The following CENPP variants were observed in gnomAD, a reference collection of about 807,000 sequenced individuals.
CENPP encodes centromere protein P.
A neutral mutation model predicts 35.6 loss-of-function variants in CENPP; 24 were observed. The ratio of observed to expected loss-of-function variants is 0.67; its 90% CI spans 0.49 to 0.95. The LOEUF (loss-of-function observed/expected upper bound fraction) is 0.95, where lower values mean the gene tolerates loss of function less well. Among genes scored for constraint, CENPP ranks in the 40% least tolerant of loss-of-function variants. The pLI is 0.00. For synonymous variants in CENPP, 120 were observed against 125.5 expected (o/e 0.96, Z 0.29); for missense variants, 332 against 345.3 (o/e 0.96, Z 0.31).
chr9:92,349,105 T>C (rs1168507821), intron 4 of CENPP, among the ~76,000 whole-genome samples: 2 of 152,242 alleles, frequency 1.3e-5, no homozygotes, highest in African/African-American at 2.4e-5. Flanking sequence ...ATTTGACATA[T>C]TGTCCCAGCA....
In CENPP at chr9:92,425,852, A is replaced by C. The variant is rs534199330; in HGVS notation, c.564+45993A>C. On this transcript the variant is annotated intron_variant, in intron 5 of 7. Transcript: ENST00000375587. The stretch of plus-strand genomic sequence containing the variant: ...CTTTGTTCTTAAAACTCAGGCTTTC[A>C]CTAAGGAAGAGAGAGCAAATCTGTG... 1.2e-4 allele frequency among the ~76,000 whole-genome samples: 18 copies of C among 152,324 alleles called. No homozygotes were observed. The East Asian group carries it at 3.3e-3, about 28-fold the overall frequency.
chr9:92,372,099 CTTTTTTTTTTTTTTTTTTTTTTTT>C (rs71362382), intron 4 of CENPP, among the ~76,000 whole-genome samples: 1 of 30,680 alleles, frequency 3.3e-5, no homozygotes, highest in African/African-American at 1.4e-4. Context: ...TGCCAGCCAT[CTTTTTTTTTTTTTTTTTTTTTTTT>C]TTTTTTTTAA....
chr9:92,555,214 A>ATTTTTTTTTT, intron 5 of CENPP, among the ~76,000 whole-genome samples: 1 of 63,440 alleles, frequency 1.6e-5, no homozygotes, highest in Non-Finnish European at 2.6e-5. Context: ...TTTTTTGGAA[A>ATTTTTTTTTT]TTTTTTTTTT....
chr9:92,345,615 A>G, intron 3 of CENPP, 84 bp from the exon 4 acceptor site: 1 of 728,804 alleles, frequency 1.4e-6, no homozygotes, highest in Non-Finnish European at 2.3e-6. Flanking sequence ...ATTTGGTGGC[A>G]TTTCATTTTG....
chr9:92,332,816 A>C (rs780234723), intron 2 of CENPP, among the ~76,000 whole-genome samples: 6 of 152,158 alleles, frequency 3.9e-5, no homozygotes, highest in East Asian at 1.9e-4. Context: ...TAAAACAAAA[A>C]AAAAAAGGGC....
At chr9:92,600,887 GGTCCTTCCT>G (rs1231601458) in intron 5 of CENPP, among the ~76,000 whole-genome samples, 1 of 152,184 alleles carries the variant, frequency 6.6e-6, no homozygotes, top group Non-Finnish European at 1.5e-5. Flanking sequence ...TCCCCTGAGG[GGTCCTTCCT>G]GGACACCCAT....
intron 5 of CENPP, among the ~76,000 whole-genome samples, chr9:92,479,722 A>G (rs1588166684): frequency 6.6e-6 from 1 of 152,170 alleles, no homozygotes; most frequent in Non-Finnish European, 1.5e-5. Context: ...CAATTAATCT[A>G]ATCTTTTGCA....
intron 5 of CENPP, among the ~76,000 whole-genome samples, chr9:92,452,036 A>G (rs1479050064): frequency 6.9e-6 from 1 of 145,950 alleles, no homozygotes; most frequent in Non-Finnish European, 1.5e-5. Context: ...CAATCATGTC[A>G]TCTGCAAACA....
chr9:92,527,523 T>C (rs1023015369), intron 5 of CENPP, among the ~76,000 whole-genome samples: 1 of 152,216 alleles, frequency 6.6e-6, no homozygotes, highest in African/African-American at 2.4e-5. Context: ...GAATGTATCC[T>C]TGTCGCTAAG....
At chr9:92,517,316 C>T in intron 5 of CENPP, 1 of 303,984 alleles carries the variant, frequency 3.3e-6, no homozygotes, top group Non-Finnish European at 6.1e-6. Flanking sequence ...ATGATAAAGG[C>T]ACGTTGCACT....
chr9:92,362,223 A>AC (rs200441880), intron 4 of CENPP, among the ~76,000 whole-genome samples: 4,675 of 152,250 alleles, frequency 0.031, 114 homozygotes, highest in South Asian at 0.083. Context: ...AAAGTTAAAA[A>AC]AAAAAAATTA....
At chr9:92,525,617 G>A (rs201370378) in intron 5 of CENPP, among the ~76,000 whole-genome samples, 63 of 152,220 alleles carry the variant, frequency 4.1e-4, no homozygotes, top group African/African-American at 1.2e-3. Flanking sequence ...CAGGCTGGGC[G>A]CGGTGGCTCA....
intron 5 of CENPP, chr9:92,464,639 A>G (rs1044113570): frequency 5.6e-6 from 3 of 535,728 alleles, no homozygotes; most frequent in Non-Finnish European, 1.1e-5. Flanking sequence ...ACAGAATGAC[A>G]GGTATAAATG....
chr9:92,532,041 T>TTTTTTTTTTA, intron 5 of CENPP, among the ~76,000 whole-genome samples: 1 of 143,486 alleles, frequency 7.0e-6, no homozygotes, highest in African/African-American at 2.7e-5. Flanking sequence ...TTTATTTTTT[T>TTTTTTTTTTA]TTTGAGATGA....
At chr9:92,450,940 GTTGT>G (rs1395105288) in intron 5 of CENPP, among the ~76,000 whole-genome samples, 2 of 152,090 alleles carry the variant, frequency 1.3e-5, no homozygotes, top group Non-Finnish European at 2.9e-5. Context: ...TTTTGATGGG[GTTGT>G]TTGTTTTTTT....
At chr9:92,437,678 T>A (rs1373004406) in intron 5 of CENPP, among the ~76,000 whole-genome samples, 2 of 152,218 alleles carry the variant, frequency 1.3e-5, no homozygotes, top group African/African-American at 2.4e-5. Flanking sequence ...GTGTTGGGAT[T>A]ACAGGCATGA....
intron 4 of CENPP, among the ~76,000 whole-genome samples, chr9:92,376,594 G>A (rs576638096): frequency 2.0e-5 from 3 of 152,124 alleles, no homozygotes; most frequent in Non-Finnish European, 4.4e-5. Context: ...GATTTACATA[G>A]GGCACAAAAA....
chr9:92,330,582 G>A (rs1238756016), intron 1 of CENPP, among the ~76,000 whole-genome samples: 2 of 150,860 alleles, frequency 1.3e-5, no homozygotes, highest in African/African-American at 4.9e-5. Flanking sequence ...ATGTAGCAGA[G>A]TGTTTAAAGG....
At chr9:92,450,714 A>T (rs1223479024) in intron 5 of CENPP, among the ~76,000 whole-genome samples, 1 of 152,164 alleles carries the variant, frequency 6.6e-6, no homozygotes, top group Admixed American at 6.6e-5. Context: ...TCCTACCAAC[A>T]GTGTAAAAGT....
Sources: gnomAD v4.1 joint callset for allele counts (sites outside exome capture counted in the v4.1 genomes callset) on GRCh38, gnomAD v4.1.1 for gene constraint, MANE v1.5 for transcripts, NCBI Gene and HGNC (gene_info 2026-07-23, HGNC 2026-07-21) for gene names.